PKNOX1: variants seen among roughly 807,000 people sequenced by gnomAD.
PKNOX1 encodes PBX/knotted 1 homeobox 1.
Under a neutral mutation model 51.9 loss-of-function variants are expected in PKNOX1, and 15 were observed. That is an observed-to-expected ratio of 0.29 (90% CI 0.19 to 0.45). The LOEUF is 0.45. Among genes scored for constraint, PKNOX1 ranks in the 20% least tolerant of loss-of-function variants. The pLI is 1.00. For synonymous variants in PKNOX1, 219 were observed against 211.1 expected, an observed-to-expected ratio of 1.04 and a Z score of -0.32; for missense variants, 462 against 547.5, an observed-to-expected ratio of 0.84 and a Z score of 1.56.
At chr21:43,013,377 C>A in intron 5 of PKNOX1, 139 bp downstream of exon 5, 1 of 545,476 alleles carries the variant, frequency 1.8e-6, no homozygotes, top group South Asian at 4.8e-5. Flanking sequence ...GGTCTCTGAC[C>A]CCAGCCTGGT....
chr21:42,988,957 G>A (rs1199482466), intron 1 of PKNOX1, among the ~76,000 whole-genome samples: 1 of 149,354 alleles, frequency 6.7e-6, no homozygotes, highest in East Asian at 2.0e-4. Flanking sequence ...CCTGCGGGCT[G>A]GATGAGGACC....
intron 1 of PKNOX1, among the ~76,000 whole-genome samples, chr21:42,990,076 A>G (rs2605309): frequency 0.9 from 136,127 of 151,432 alleles, 61,314 homozygotes; most frequent in African/African-American, 0.91. Flanking sequence ...CAGCCTGGGC[A>G]ACAGAGCCAG....
intron 1 of PKNOX1, among the ~76,000 whole-genome samples, chr21:42,983,296 A>G (rs2059036173): frequency 3.2e-5 from 2 of 62,030 alleles, no homozygotes; most frequent in African/African-American, 1.4e-4. Flanking sequence ...CTGCCTCCCC[A>G]TCTCCCCTCC....
At chr21:43,026,593 C>A (rs1013472889) in intron 9 of PKNOX1, among the ~76,000 whole-genome samples, 11 of 152,110 alleles carry the variant, frequency 7.2e-5, no homozygotes, top group African/African-American at 2.7e-4. Context: ...CCTGTCTCTA[C>A]TAAAAATAGA....
Position 43,013,249 on chromosome 21 carries a change from T to G in PKNOX1, c.522+11T>G, listed in dbSNP as rs781702142. 1 of 1,558,478 alleles carries G rather than the reference T, an allele frequency of 6.4e-7. No homozygotes were observed. Among genetic ancestry groups the G allele is most frequent in the Non-Finnish European group, 8.7e-7 (1 of 1,148,368 alleles). On this transcript the variant is annotated intron_variant, in intron 5 of 10. Transcript: ENST00000291547. The stretch of plus-strand genomic sequence containing the variant: ...CCAGTGCAGTCCCAGGTACTTACAT[T>G]TGGGGGTCTCGCTTTCCCTCTCTGC...
chr21:42,976,535 G>A (rs968324263), intron 1 of PKNOX1, among the ~76,000 whole-genome samples: 1 of 152,186 alleles, frequency 6.6e-6, no homozygotes, highest in Non-Finnish European at 1.5e-5. Flanking sequence ...AAAGTTGGAG[G>A]CTATTCTCAA....
rs141598564 is a variant in PKNOX1, at chr21:43,032,011, G to T, written c.*1910G>T. On this transcript the variant is annotated 3_prime_UTR_variant, in exon 11 of 11. Transcript: ENST00000291547. ...TGAGTAGCTGGGATTACAGGCATGC[G>T]CCACCACACCCGGCTAATTTTGTAT... is the stretch of plus-strand genomic sequence containing the variant. The T allele has an allele frequency of 2.8e-6, 1 of 358,546 alleles. No individual in the cohort carries two copies. 22.2% of individuals were successfully genotyped at this position (358,546 alleles called of 1,614,324 possible). A position where few individuals can be genotyped will look rare whatever the true frequency, so the allele number is the denominator to read the frequency against.
chr21:43,017,972 G>A, intron 6 of PKNOX1, 161 bp from the exon 7 acceptor site: 1 of 554,502 alleles, frequency 1.8e-6, no homozygotes, highest in East Asian at 3.0e-5. Flanking sequence ...CACTTTGGGA[G>A]GCCAAGGCAG....
intron 1 of PKNOX1, among the ~76,000 whole-genome samples, chr21:43,003,596 C>T (rs980627308): frequency 1.3e-5 from 2 of 152,118 alleles, no homozygotes; most frequent in Non-Finnish European, 2.9e-5. Context: ...CCACACGGCC[C>T]GGGAAAGCAG....
At chr21:42,986,767 A>C (rs2059054241) in intron 1 of PKNOX1, among the ~76,000 whole-genome samples, 2 of 152,190 alleles carry the variant, frequency 1.3e-5, no homozygotes, top group African/African-American at 4.8e-5. Context: ...CAATACCTAG[A>C]GATGCAGTCT....
chr21:42,978,781 G>C (rs1430880092), intron 1 of PKNOX1, among the ~76,000 whole-genome samples: 1 of 151,628 alleles, frequency 6.6e-6, no homozygotes, highest in African/African-American at 2.4e-5. Flanking sequence ...ACCGCACCCA[G>C]CCCTTTTTTG....
intron 1 of PKNOX1, among the ~76,000 whole-genome samples, chr21:43,000,175 G>A (rs1449937587): frequency 2.6e-5 from 4 of 152,090 alleles, no homozygotes; most frequent in Non-Finnish European, 5.9e-5. Context: ...CCTCCAAACT[G>A]TTGCACCCTC....
chr21:42,988,303 C>T (rs1241547967), intron 1 of PKNOX1, among the ~76,000 whole-genome samples: 1 of 152,194 alleles, frequency 6.6e-6, no homozygotes, highest in African/African-American at 2.4e-5. Flanking sequence ...CCCACCTCGG[C>T]CTCCCAAACT....
At chr21:43,000,943 T>A (rs1388396486) in intron 1 of PKNOX1, among the ~76,000 whole-genome samples, 5 of 152,120 alleles carry the variant, frequency 3.3e-5, no homozygotes, top group Non-Finnish European at 7.4e-5. Flanking sequence ...GACTAGAGGC[T>A]CATACAACCA....
At chr21:42,982,137 C>A (rs35348720) in intron 1 of PKNOX1, among the ~76,000 whole-genome samples, 1 of 152,152 alleles carries the variant, frequency 6.6e-6, no homozygotes, top group African/African-American at 2.4e-5. Flanking sequence ...ACCTACCAGG[C>A]GCTGACCTTC....
chr21:42,987,404 A>AAAAAATAT, intron 1 of PKNOX1, among the ~76,000 whole-genome samples: 11 of 41,416 alleles, frequency 2.7e-4, no homozygotes, highest in South Asian at 7.7e-4. Flanking sequence ...AAAAAAAAAA[A>AAAAAATAT]ATATATATAT....
intron 2 of PKNOX1, among the ~76,000 whole-genome samples, 170 bp from the exon 3 acceptor site, chr21:43,007,321 T>G (rs143911788): frequency 6.8e-6 from 1 of 146,994 alleles, no homozygotes; most frequent in Non-Finnish European, 1.5e-5. Flanking sequence ...TTTACCTTTA[T>G]TTTAAAGCAC....
rs150566559 is a variant in PKNOX1, at chr21:43,029,382, T to C, written c.1099+508T>C. On this transcript the variant is annotated intron_variant, in intron 10 of 10. Coordinates refer to ENST00000291547, the MANE Select transcript of PKNOX1 (RefSeq NM_004571.5). The stretch of plus-strand genomic sequence containing the variant: ...ATGAGGTCTTCATATTTTGGATGGT[T>C]TTGTGTGCATGTGTTTTTATTTTTT... Among the ~76,000 whole-genome samples the C allele has an allele frequency of 1.8e-3, 272 of 151,912 alleles. No homozygotes were observed. In the Middle Eastern group the frequency reaches 0.024, roughly 13 times the overall value.
chr21:42,999,911 TCCACCAGATAC>T (rs1978672916), intron 1 of PKNOX1, among the ~76,000 whole-genome samples: 1 of 152,192 alleles, frequency 6.6e-6, no homozygotes, highest in African/African-American at 2.4e-5. Context: ...AGAAATTTCT[TCCACCAGATAC>T]CCTAAATCAT....
Sources: gnomAD v4.1 joint callset for allele counts (sites outside exome capture counted in the v4.1 genomes callset) on GRCh38, gnomAD v4.1.1 for gene constraint, MANE v1.5 for transcripts, NCBI Gene and HGNC (gene_info 2026-07-23, HGNC 2026-07-21) for gene names.